Variants in GPC1 observed in about 807,000 individuals in gnomAD.
The protein encoded by GPC1 is glypican-1.
GPC1 carries 26 observed loss-of-function variants against 51.5 expected under a neutral mutation model. The observed-to-expected ratio is 0.50, with a 90% CI of 0.37 to 0.70. GPC1 has a LOEUF of 0.70. Among genes scored for constraint, GPC1 ranks in the 30% least tolerant of loss-of-function variants. The pLI is 0.00. For synonymous variants in GPC1, 380 were observed against 348.3 expected (o/e 1.09, Z -1.01); for missense variants, 775 against 800.5 (o/e 0.97, Z 0.38).
In GPC1 at chr2:240,465,571, A is replaced by T; in HGVS notation, c.1367A>T (p.Gln456Leu). 1 of 1,613,114 alleles carries T rather than the reference A, an allele frequency of 6.2e-7. No homozygotes were observed. Among genetic ancestry groups the T allele is most frequent in the African/African-American group, 1.3e-5 (1 of 75,068 alleles). ...AAGCCGGACATGACCATCCGGCAGC[A>T]GATCATGCAGCTGAAGATCATGACC... ...ITKPDMTIRQQIMQLKIMTNR... is the reference protein window; with the variant it reads ...ITKPDMTIRQLIMQLKIMTNR... Residue 456 changes from glutamine to leucine, a missense_variant, in exon 8 of 9, where the codon CAG (glutamine) becomes CTG (leucine). Coordinates refer to ENST00000264039, the MANE Select transcript of GPC1 (RefSeq NM_002081.3).
chr2:240,457,917 T>C, intron 1 of GPC1: 1 of 384,612 alleles, frequency 2.6e-6, no homozygotes. Context: ...ACGCCCCCCC[T>C]TGACCCCACC....
intron 1 of GPC1, chr2:240,451,655 G>A (rs780041326): frequency 3.7e-5 from 8 of 218,840 alleles, no homozygotes; most frequent in Non-Finnish European, 6.4e-5. Flanking sequence ...CCTGGGTGTG[G>A]CAGGAGGTTC....
intron 1 of GPC1, among the ~76,000 whole-genome samples, chr2:240,456,416 G>A (rs1009261917): frequency 6.6e-6 from 1 of 152,148 alleles, no homozygotes; most frequent in Admixed American, 6.5e-5. Flanking sequence ...GAGTGCTTGA[G>A]CCCTAGTCCT....
chr2:240,466,384 G>T lies in GPC1; in HGVS notation c.*94G>T. 1.3e-6 allele frequency: 1 copy of T among 756,918 alleles called. No individual in the cohort carries two copies. 46.9% of individuals were successfully genotyped at this position (756,918 alleles called of 1,614,324 possible). ...AATTCACCTCAGCCTGGAGAGGCCT[G>T]GGGTGGGACAGGGAGGGCCGGCGGC... On this transcript the variant is annotated 3_prime_UTR_variant, in exon 9 of 9. Coordinates refer to ENST00000264039, the MANE Select transcript of GPC1 (RefSeq NM_002081.3).
chr2:240,459,429 G>C (rs1346077406), intron 2 of GPC1, among the ~76,000 whole-genome samples: 6 of 152,198 alleles, frequency 3.9e-5, no homozygotes, highest in African/African-American at 1.4e-4. Context: ...CCCATTCCCA[G>C]TGCACATTTG....
intron 1 of GPC1, chr2:240,458,187 T>G: frequency 2.4e-6 from 1 of 415,302 alleles, no homozygotes; most frequent in South Asian, 1.7e-5. Flanking sequence ...ATGCACACCC[T>G]TTAAAAAATG....
At chr2:240,457,390 C>T (rs746299029) in intron 1 of GPC1, 55 of 463,878 alleles carry the variant, frequency 1.2e-4, no homozygotes, top group African/African-American at 7.0e-4. Context: ...TCTCTTGTCT[C>T]GGGCTCCTCC....
chr2:240,448,541 G>A lies in GPC1; in HGVS notation c.167-10489G>A, dbSNP rs1342012438. ...CGGCTCTCCTCCGGCAGGTGGCTTC[G>A]GGAAATGGGTGGGAGTCACGGAGGC... On this transcript the variant is annotated intron_variant, in intron 1 of 8. Transcript: ENST00000264039. The surrounding 1 kb of genome is among the most constrained non-coding windows in gnomAD (Gnocchi z 4.5). Among the ~76,000 whole-genome samples, 2 of 152,206 alleles carry A rather than the reference G, an allele frequency of 1.3e-5. No individual in the cohort carries two copies. Among genetic ancestry groups the A allele is most frequent in the Admixed American group, 6.5e-5 (1 of 15,284 alleles).
intron 1 of GPC1, among the ~76,000 whole-genome samples, chr2:240,455,790 C>T (rs1244821718): frequency 1.3e-5 from 2 of 152,196 alleles, no homozygotes; most frequent in East Asian, 1.9e-4. Context: ...TCTGCAGAGC[C>T]GGCCTCTGCC....
At chr2:240,461,522 G>T (rs2074215851) in intron 2 of GPC1, among the ~76,000 whole-genome samples, 1 of 152,140 alleles carries the variant, frequency 6.6e-6, no homozygotes. Flanking sequence ...ACATGTGGAG[G>T]TCTGAGGGTG....
intron 1 of GPC1, among the ~76,000 whole-genome samples, chr2:240,453,935 G>A (rs2074131056): frequency 6.6e-6 from 1 of 152,180 alleles, no homozygotes; most frequent in African/African-American, 2.4e-5. Flanking sequence ...GGCCTGGGGC[G>A]CGGACCCTCC....
At chr2:240,450,505 T>C (rs1446959876) in intron 1 of GPC1, 1 of 442,056 alleles carries the variant, frequency 2.3e-6, no homozygotes, top group Admixed American at 2.5e-5. Flanking sequence ...GACCTACAGC[T>C]GCTGTGAAGA....
intron 1 of GPC1, among the ~76,000 whole-genome samples, chr2:240,446,439 T>C (rs966540771): frequency 6.6e-6 from 1 of 152,220 alleles, no homozygotes; most frequent in Non-Finnish European, 1.5e-5. Flanking sequence ...TTGGCCACCA[T>C]GAGTGTGTAG....
chr2:240,453,977 C>T (rs1294119220), intron 1 of GPC1, among the ~76,000 whole-genome samples: 5 of 152,160 alleles, frequency 3.3e-5, no homozygotes, highest in Non-Finnish European at 7.4e-5. Context: ...TACGACGCCC[C>T]TCGGTTTCGG....
intron 1 of GPC1, among the ~76,000 whole-genome samples, chr2:240,446,948 G>A (rs963922110): frequency 1.3e-5 from 2 of 152,176 alleles, no homozygotes; most frequent in East Asian, 1.9e-4. Flanking sequence ...GTGGACTGGT[G>A]CCCCGAGCCC....
chr2:240,464,526 CA>C (rs1434813875), intron 4 of GPC1, 89 bp from the exon 5 acceptor site: 22 of 1,390,480 alleles, frequency 1.6e-5, no homozygotes, highest in Non-Finnish European at 2.1e-5. Context: ...ACTGCATTAA[CA>C]TGCACACGTG....
rs1278221299 is a variant in GPC1, at chr2:240,464,996, C to T, written c.1134+21C>T. 2.6e-6 allele frequency: 4 copies of T among 1,565,150 alleles called. No individual in the cohort carries two copies. In the Middle Eastern group the frequency reaches 5.0e-4, roughly 197 times the overall value. ...AGCTGGTGAGTGGCCCCTGCGTGTCCACTGGACCAGGCATGAGGGAGGCAG... is the reference window on the plus strand; with the variant it reads ...AGCTGGTGAGTGGCCCCTGCGTGTCTACTGGACCAGGCATGAGGGAGGCAG... On this transcript the variant is annotated intron_variant, in intron 6 of 8. Coordinates refer to ENST00000264039, the MANE Select transcript of GPC1 (RefSeq NM_002081.3).
intron 1 of GPC1, 165 bp from the exon 2 acceptor site, chr2:240,458,865 C>A: frequency 1.6e-6 from 1 of 608,190 alleles, no homozygotes; most frequent in Non-Finnish European, 2.9e-6. Flanking sequence ...CCTCCCTCCA[C>A]ACCCCGACCA....
At chr2:240,438,522 C>A (rs2073998155) in intron 1 of GPC1, among the ~76,000 whole-genome samples, 1 of 152,166 alleles carries the variant, frequency 6.6e-6, no homozygotes, top group Non-Finnish European at 1.5e-5. Context: ...AGTCCCCTCT[C>A]TCCTGCATCC....
Sources: gnomAD v4.1 joint callset for allele counts (sites outside exome capture counted in the v4.1 genomes callset) on GRCh38, gnomAD v4.1.1 for gene constraint, Gnocchi (gnomAD v3.1) non-coding constraint, MANE v1.5 for transcripts, NCBI Gene and HGNC (gene_info 2026-07-23, HGNC 2026-07-21) for gene names.